The following ZYG11B variants were observed in gnomAD, a reference collection of about 807,000 sequenced individuals.
ZYG11B encodes protein zyg-11 homolog B.
ZYG11B carries 36 observed loss-of-function variants against 82.4 expected under a neutral mutation model. The ratio of observed to expected loss-of-function variants is 0.44; its 90% CI spans 0.33 to 0.58. The LOEUF is 0.58. Ranked by LOEUF, ZYG11B falls within the 20% of genes least tolerant of loss-of-function variation. The pLI is 0.02. For synonymous variants in ZYG11B, 303 were observed against 312.8 expected, an observed-to-expected ratio of 0.97 and a Z score of 0.33; for missense variants, 552 against 895.6, an observed-to-expected ratio of 0.62 and a Z score of 4.90.
At chr1:52,762,024 C>T (rs562502939) in intron 2 of ZYG11B, among the ~76,000 whole-genome samples, 2 of 152,008 alleles carry the variant, frequency 1.3e-5, no homozygotes, top group African/African-American at 4.8e-5. Context: ...GTTTAGTTTT[C>T]TGTTGAGCTG....
rs1274681169 is a variant in ZYG11B, at chr1:52,756,470, C to G, written c.43C>G (p.Pro15Ala). ...QAGAAMEEAS[P>A]YSLLDICLNF... ...CCTGGGCTCCAAGGAGGAGGCGTCT[C>G]CCTATTCCTTACTTGATATCTGCTT... Residue 15 changes from proline (P) to alanine (A), a missense_variant, in exon 2 of 14, where the codon CCC (proline) becomes GCC (alanine). Coordinates refer to ENST00000294353, the MANE Select transcript of ZYG11B (RefSeq NM_024646.3). The G allele has an allele frequency of 8.7e-6, 14 of 1,613,764 alleles. No homozygotes were observed. Among genetic ancestry groups the G allele is most frequent in the Non-Finnish European group, 1.2e-5 (14 of 1,179,832 alleles).
In ZYG11B at chr1:52,740,843, G is replaced by T. The variant is rs141562357; in HGVS notation, c.30+14160G>T. Reference sequence around the variant, plus strand: ...GCCTTCCAAAGTGCTGGGATTACAGGTGTGAGCCACTGCGCCCTGCTGGTA... The same window carrying T: ...GCCTTCCAAAGTGCTGGGATTACAGTTGTGAGCCACTGCGCCCTGCTGGTA... On this transcript the variant is annotated intron_variant, in intron 1 of 13. Transcript: ENST00000294353. Among the ~76,000 whole-genome samples, 955 of 150,044 alleles carry T rather than the reference G, an allele frequency of 6.4e-3. 15 individuals are homozygous for T. Among genetic ancestry groups the T allele is most frequent in the African/African-American group, 0.022 (918 of 40,838 alleles).
chr1:52,768,548 T>C (rs1644718297), intron 2 of ZYG11B, among the ~76,000 whole-genome samples: 1 of 152,174 alleles, frequency 6.6e-6, no homozygotes, highest in Admixed American at 6.6e-5. Flanking sequence ...TCTTTAAGAC[T>C]TTGCTTATGT....
intron 1 of ZYG11B, among the ~76,000 whole-genome samples, chr1:52,730,127 C>T (rs551702583): frequency 7.2e-5 from 11 of 152,178 alleles, no homozygotes; most frequent in African/African-American, 2.6e-4. Flanking sequence ...TCAAAACCCA[C>T]ATAATGCTGA....
chr1:52,757,037 CT>C lies in ZYG11B; in HGVS notation c.196+427del, dbSNP rs201568248. 2.5e-3 allele frequency among the ~76,000 whole-genome samples: 328 copies of C among 133,326 alleles called. 1 individual carries two copies. The highest frequency in any genetic ancestry group is 2.7e-3 in the Non-Finnish European group (162 of 61,052). 87.5% of individuals were successfully genotyped at this position (133,326 alleles called of 152,430 possible). A position where few individuals can be genotyped will look rare whatever the true frequency, so the allele number is the denominator to read the frequency against. On this transcript the variant is annotated intron_variant, in intron 2 of 13. Coordinates refer to ENST00000294353, the MANE Select transcript of ZYG11B (RefSeq NM_024646.3). The stretch of plus-strand genomic sequence containing the variant: ...CAAACGTTTTTTGACTTTGAGAAGT[CT>C]TTTTTTTTTTTTAAATTTTTTAAGA...
intron 1 of ZYG11B, among the ~76,000 whole-genome samples, chr1:52,743,487 AAGAC>A (rs1405887405): frequency 6.6e-6 from 1 of 151,934 alleles, no homozygotes; most frequent in African/African-American, 2.4e-5. Context: ...TTACTGAAGA[AAGAC>A]AAATTTGCTC....
At chr1:52,763,609 C>T (rs902868653) in intron 2 of ZYG11B, among the ~76,000 whole-genome samples, 7 of 152,034 alleles carry the variant, frequency 4.6e-5, no homozygotes, top group Non-Finnish European at 4.4e-5. Context: ...TATGAACCAC[C>T]GCACTCAGCC....
chr1:52,772,428 A>T, intron 3 of ZYG11B: 1 of 1,562,600 alleles, frequency 6.4e-7, no homozygotes, highest in South Asian at 1.1e-5. Flanking sequence ...AGACTTAAGA[A>T]TTCTTAAAAT....
intron 10 of ZYG11B, among the ~76,000 whole-genome samples, chr1:52,808,752 A>G (rs1346647383): frequency 6.6e-6 from 1 of 152,134 alleles, no homozygotes; most frequent in African/African-American, 2.4e-5. Flanking sequence ...GCTGCTTGAC[A>G]TTGTCCCACA....
chr1:52,790,650 G>T (rs771432485), intron 6 of ZYG11B, among the ~76,000 whole-genome samples: 1 of 150,508 alleles, frequency 6.6e-6, no homozygotes, highest in Non-Finnish European at 1.5e-5. Context: ...GAACGGAGGC[G>T]GCGGTTGCAG....
intron 1 of ZYG11B, among the ~76,000 whole-genome samples, chr1:52,752,090 CT>C (rs757485581): frequency 6.6e-6 from 1 of 152,096 alleles, no homozygotes; most frequent in Non-Finnish European, 1.5e-5. Context: ...GAGGGGCTCA[CT>C]TCCACAAGAT....
chr1:52,783,011 C>T (rs1204768839), intron 4 of ZYG11B, among the ~76,000 whole-genome samples: 2 of 151,714 alleles, frequency 1.3e-5, no homozygotes, highest in African/African-American at 4.9e-5. Context: ...ACTGCAACCT[C>T]TGCTTCCCAT....
chr1:52,762,495 C>T (rs908407609), intron 2 of ZYG11B, among the ~76,000 whole-genome samples: 2 of 151,968 alleles, frequency 1.3e-5, no homozygotes, highest in Non-Finnish European at 2.9e-5. Flanking sequence ...AGGCATGAGC[C>T]ACCGTGCCTG....
At chr1:52,739,419 C>G (rs1644405587) in intron 1 of ZYG11B, among the ~76,000 whole-genome samples, 1 of 152,090 alleles carries the variant, frequency 6.6e-6, no homozygotes, top group Non-Finnish European at 1.5e-5. Flanking sequence ...TAGTAAGATT[C>G]TAGCAAGTTA....
chr1:52,770,979 A>T (rs775356812), intron 2 of ZYG11B, 41 bp from the exon 3 acceptor site: 2 of 1,563,248 alleles, frequency 1.3e-6, no homozygotes, highest in Non-Finnish European at 1.7e-6. Flanking sequence ...GCTATTCTTT[A>T]ACTGTTTTTT....
At position 52,745,511 on chromosome 1, in the gene ZYG11B, C is replaced by T. The variant is rs192133914; in HGVS notation, c.31-10947C>T. Among the ~76,000 whole-genome samples, 110 of 152,270 alleles carry T rather than the reference C, an allele frequency of 7.2e-4. 1 individual carries two copies. The highest frequency in any genetic ancestry group is 1.3e-3 in the Non-Finnish European group (89 of 68,022). ...TACTCAGTAGACACTGAAACATTTA[C>T]TCTGTAAGCATAGGGGATATGGAGA... is the stretch of plus-strand genomic sequence containing the variant. On this transcript the variant is annotated intron_variant, in intron 1 of 13. Coordinates refer to ENST00000294353, the MANE Select transcript of ZYG11B (RefSeq NM_024646.3).
At chr1:52,816,974 T>G (rs1645230717) in intron 13 of ZYG11B, among the ~76,000 whole-genome samples, 1 of 150,758 alleles carries the variant, frequency 6.6e-6, no homozygotes, top group Non-Finnish European at 1.5e-5. Context: ...TTATTATTAT[T>G]TTTTTTTAGT....
At chr1:52,769,405 G>C (rs1406348700) in intron 2 of ZYG11B, among the ~76,000 whole-genome samples, 3 of 152,128 alleles carry the variant, frequency 2.0e-5, no homozygotes, top group Non-Finnish European at 4.4e-5. Context: ...TCAACCTGTA[G>C]TATATATAAA....
chr1:52,746,607 T>C (rs1281070901), intron 1 of ZYG11B, among the ~76,000 whole-genome samples: 1 of 149,330 alleles, frequency 6.7e-6, no homozygotes, highest in Non-Finnish European at 1.5e-5. Context: ...CAAACTTTAC[T>C]TGAAAAATTC....
Sources: gnomAD v4.1 joint callset for allele counts (sites outside exome capture counted in the v4.1 genomes callset) on GRCh38, gnomAD v4.1.1 for gene constraint, MANE v1.5 for transcripts, NCBI Gene and HGNC (gene_info 2026-07-23, HGNC 2026-07-21) for gene names.